APMAP: variants seen among roughly 807,000 people sequenced by gnomAD.
APMAP encodes the protein adipocyte plasma membrane-associated protein.
A neutral mutation model predicts 43.6 loss-of-function variants in APMAP; 33 were observed. The observed-to-expected ratio is 0.76, with a 90% CI of 0.57 to 1.01. The LOEUF is 1.01. Ranked by LOEUF, APMAP falls within the 50% of genes least tolerant of loss-of-function variation. The pLI, the probability that APMAP is intolerant of heterozygous loss-of-function variation, is 0.00. For missense variants in APMAP, 498 were observed against 540.7 expected (o/e 0.92, Z 0.78); for synonymous variants, 224 against 216.7 (o/e 1.03, Z -0.30).
chr20:24,974,055 T>G, intron 3 of APMAP: 1 of 216,654 alleles, frequency 4.6e-6, no homozygotes, highest in Non-Finnish European at 9.3e-6. Flanking sequence ...CACTCAGCAC[T>G]TAGGGGCATG....
At chr20:24,980,589 G>A (rs896797550) in intron 2 of APMAP, among the ~76,000 whole-genome samples, 20 of 149,472 alleles carry the variant, frequency 1.3e-4, no homozygotes, top group African/African-American at 4.2e-4. Context: ...GCTTGGCCTC[G>A]GTCACCTCTA....
At position 24,969,642 on chromosome 20, in the gene APMAP, A is replaced by T. The variant is rs762297659; in HGVS notation, c.732T>A (p.Thr244=). 8 of 1,613,580 alleles carry T rather than the reference A, an allele frequency of 5.0e-6. No individual in the cohort carries two copies. In the South Asian group the frequency reaches 8.8e-5, roughly 18 times the overall value. ...TDDGRLLEYD[T]VTREVKVLLD... is the part of the protein sequence containing the mutation. ...ATAAAACTTTTACTTCCCTGGTCACAGTATCATACTCCAGCAGGCTGTGGA... is the reference window on the plus strand; with the variant it reads ...ATAAAACTTTTACTTCCCTGGTCACTGTATCATACTCCAGCAGGCTGTGGA... The change falls in exon 7 of 9, where the codon ACT becomes ACA. Residue 244 remains threonine (T), a synonymous_variant. Coordinates refer to ENST00000217456, the MANE Select transcript of APMAP (RefSeq NM_020531.3).
intron 1 of APMAP, 108 bp downstream of exon 1, chr20:24,992,486 C>T (rs1301317514): frequency 1.1e-6 from 1 of 895,070 alleles, no homozygotes; most frequent in Non-Finnish European, 1.5e-6. Context: ...ACAACGCGCT[C>T]GGCACCGCAT....
chr20:24,978,914 T>A, intron 2 of APMAP, 32 bp from the exon 3 acceptor site: 1 of 1,540,388 alleles, frequency 6.5e-7, no homozygotes, highest in South Asian at 1.1e-5. Context: ...GAGATCTGTC[T>A]ATAAATACAC....
At chr20:24,969,501 ATGGC>A in intron 7 of APMAP, 21 bp downstream of exon 7, 1 of 1,591,366 alleles carries the variant, frequency 6.3e-7, no homozygotes, top group Non-Finnish European at 8.6e-7. Flanking sequence ...CCAGTAACTG[ATGGC>A]TCAGCTAATC....
intron 3 of APMAP, among the ~76,000 whole-genome samples, chr20:24,977,850 T>C (rs553532330): frequency 5.3e-5 from 8 of 152,374 alleles, no homozygotes; most frequent in Admixed American, 5.2e-4. Context: ...TACAAAGTTC[T>C]ATCATGATAT....
At chr20:24,968,095 G>A (rs758441747) in intron 8 of APMAP, among the ~76,000 whole-genome samples, 2 of 152,234 alleles carry the variant, frequency 1.3e-5, no homozygotes, top group Non-Finnish European at 2.9e-5. Context: ...TATTCAGCCT[G>A]TGACACGGAG....
chr20:24,963,453 T>C lies in APMAP; in HGVS notation c.*360A>G, dbSNP rs2087914552. 3.7e-6 allele frequency: 1 copy of C among 267,262 alleles called. No homozygotes were observed. The highest frequency in any genetic ancestry group is 5.0e-5 in the Admixed American group (1 of 19,892). The allele number at this position is 267,262 out of a possible 1,614,324, so 16.6% of individuals were successfully genotyped here. A position where few individuals can be genotyped will look rare whatever the true frequency, so the allele number is the denominator to read the frequency against. Reference sequence around the variant, plus strand: ...AGGACAGGGCCGCAGCAGCAAGCTCTCTGGGTAGTGCCTTACTGCTCCACC... The same window carrying C: ...AGGACAGGGCCGCAGCAGCAAGCTCCCTGGGTAGTGCCTTACTGCTCCACC... On this transcript the variant is annotated 3_prime_UTR_variant, in exon 9 of 9. Transcript: ENST00000217456.
intron 8 of APMAP, 44 bp downstream of exon 8, chr20:24,968,847 AT>A: frequency 2.0e-6 from 3 of 1,529,694 alleles, no homozygotes; most frequent in Non-Finnish European, 2.7e-6. Flanking sequence ...ATATGATTCA[AT>A]TCATTTCCAT....
At position 24,970,457 on chromosome 20, in the gene APMAP, A is replaced by G. The variant is rs143866563; in HGVS notation, c.539-86T>C. The G allele has an allele frequency of 1.2e-3, 1,610 of 1,306,352 alleles. 3 individuals are homozygous for G. Among genetic ancestry groups the G allele is most frequent in the South Asian group, 2.2e-3 (143 of 63,816 alleles). 80.9% of individuals were successfully genotyped at this position (1,306,352 alleles called of 1,614,324 possible). ...AATATTAACCAACCTAACTGATTTAAAAAGAAAAACTGAAACTTCTCCATG... is the reference window on the plus strand; with the variant it reads ...AATATTAACCAACCTAACTGATTTAGAAAGAAAAACTGAAACTTCTCCATG... On this transcript the variant is annotated intron_variant, in intron 5 of 8. Transcript: ENST00000217456.
rs754776239 is a variant in APMAP, at chr20:24,969,598, G to C, written c.776C>G (p.Pro259Arg). The C allele has an allele frequency of 1.9e-6, 3 of 1,614,044 alleles. No homozygotes were observed. Residue 259 changes from proline to arginine, a missense_variant, in exon 7 of 9, where the codon CCG becomes CGG. Transcript: ENST00000217456. ...TGCAGGAGACAGCTGGACTCCATTC[G>C]GGAACCGCAGCTGGTCCAATAAAAC... is the stretch of plus-strand genomic sequence containing the variant. Reference protein sequence around the residue: ...VKVLLDQLRFPNGVQLSPAED... With the variant: ...VKVLLDQLRFRNGVQLSPAED...
chr20:24,967,345 A>C (rs1371143796), intron 8 of APMAP, among the ~76,000 whole-genome samples: 1 of 152,200 alleles, frequency 6.6e-6, no homozygotes, highest in East Asian at 1.9e-4. Context: ...ATTTTGAATA[A>C]AACTGAACCT....
intron 4 of APMAP, among the ~76,000 whole-genome samples, chr20:24,972,068 G>A (rs1391909004): frequency 6.6e-6 from 1 of 150,546 alleles, no homozygotes; most frequent in Admixed American, 6.6e-5. Flanking sequence ...TTATTGTAGG[G>A]TGTTCACTGT....
intron 3 of APMAP, among the ~76,000 whole-genome samples, chr20:24,977,792 A>C (rs1407256428): frequency 6.6e-6 from 1 of 152,252 alleles, no homozygotes; most frequent in Non-Finnish European, 1.5e-5. Flanking sequence ...AAAAAGCTAA[A>C]GCTTTTAAAA....
Position 24,968,960 on chromosome 20 carries a change from G to A in APMAP, c.973C>T (p.Pro325Ser). 1.2e-6 allele frequency: 2 copies of A among 1,613,908 alleles called. No individual in the cohort carries two copies. The highest frequency in any genetic ancestry group is 1.7e-6 in the Non-Finnish European group (2 of 1,179,946). ...TCCAGCATGGAAAACCCAGGGTTAG[G>A]GCGGATGGTCGACATGCCCACCCAG... Reference protein sequence around the residue: ...GYWVGMSTIRPNPGFSMLDFL... With the variant: ...GYWVGMSTIRSNPGFSMLDFL... The change falls in exon 8 of 9, where the codon CCT (proline) becomes TCT (serine). Residue 325 changes from proline (P) to serine (S), a missense_variant. Transcript: ENST00000217456.
intron 2 of APMAP, among the ~76,000 whole-genome samples, chr20:24,980,529 C>T (rs1049221892): frequency 3.3e-5 from 5 of 151,628 alleles, no homozygotes; most frequent in Admixed American, 3.3e-4. Context: ...CGCGGGGCCA[C>T]CATGGTCAAG....
intron 2 of APMAP, among the ~76,000 whole-genome samples, chr20:24,981,319 G>C (rs2088102739): frequency 6.6e-6 from 1 of 152,220 alleles, no homozygotes; most frequent in Admixed American, 6.5e-5. Context: ...GAGTAACAGG[G>C]CATCTGTATG....
Position 24,971,590 on chromosome 20 carries a change from C to T in APMAP, c.422-14G>A. 1.2e-6 allele frequency: 2 copies of T among 1,606,204 alleles called. No homozygotes were observed. Among genetic ancestry groups the T allele is most frequent in the South Asian group, 2.2e-5 (2 of 90,946 alleles). ...CATCTCGGGTTTCTAGAAAAACAAA[C>T]AGATGGGGATTGGTAGCTGGTCCCG... On this transcript the variant is annotated splice_polypyrimidine_tract_variant and intron_variant, in intron 4 of 8. Transcript: ENST00000217456.
chr20:24,985,117 T>C (rs571112939), intron 1 of APMAP, among the ~76,000 whole-genome samples: 2 of 152,322 alleles, frequency 1.3e-5, no homozygotes, highest in African/African-American at 4.8e-5. Context: ...CCAAGCCCTC[T>C]TTCCCAACAA....
Sources: allele counts gnomAD v4.1 joint callset (sites outside exome capture counted in the v4.1 genomes callset), GRCh38; gene constraint gnomAD v4.1.1; transcripts MANE v1.5; gene names NCBI Gene and HGNC (gene_info 2026-07-23, HGNC 2026-07-21).